Variants in MRPL4 observed in about 807,000 individuals in gnomAD.
MRPL4 encodes the protein large ribosomal subunit protein uL4m.
A neutral mutation model predicts 34.1 loss-of-function variants in MRPL4; 34 were observed. That is an observed-to-expected ratio of 1.00 (90% CI 0.76 to 1.33). MRPL4 has a LOEUF of 1.33. MRPL4 is among the 40% of genes most tolerant of loss of function. MRPL4 has a pLI of 0.00. For synonymous variants in MRPL4, 196 were observed against 188.3 expected (o/e 1.04, Z -0.33); for missense variants, 402 against 434.6 (o/e 0.92, Z 0.67).
At position 10,252,563 on chromosome 19, in the gene MRPL4, C is replaced by G; in HGVS notation, c.137C>G (p.Pro46Arg). The part of the protein sequence containing the change: ...EQVASEGLPE[P>R]VLRKVELPVP... ...GCAATCGCTCCAGGTCTCCCGGAGC[C>G]CGTGCTGCGCAAAGTCGAGCTCCCG... The change falls in exon 3 of 9, where the codon CCC becomes CGC. Residue 46 changes from proline to arginine, a missense_variant. Coordinates refer to ENST00000253099, the MANE Select transcript of MRPL4 (RefSeq NM_015956.3). The G allele has an allele frequency of 6.2e-7, 1 of 1,613,090 alleles. No homozygotes were observed.
At position 10,252,564 on chromosome 19, in the gene MRPL4, C is replaced by T. The variant is rs896200568; in HGVS notation, c.138C>T (p.Pro46=). The change falls in exon 3 of 9, where the codon CCC becomes CCT. Residue 46 remains proline (P), a synonymous_variant. Coordinates refer to ENST00000253099, the MANE Select transcript of MRPL4 (RefSeq NM_015956.3). ...CAATCGCTCCAGGTCTCCCGGAGCC[C>T]GTGCTGCGCAAAGTCGAGCTCCCGG... ...EQVASEGLPE[P]VLRKVELPVP... is the part of the protein sequence containing the mutation. 2 of 1,612,904 alleles carry T rather than the reference C, an allele frequency of 1.2e-6. No homozygotes were observed. The highest frequency in any genetic ancestry group is 2.2e-5 in the East Asian group (1 of 44,866).
chr19:10,255,874 G>C (rs1031065083), intron 4 of MRPL4, among the ~76,000 whole-genome samples: 1 of 152,072 alleles, frequency 6.6e-6, no homozygotes, highest in African/African-American at 2.4e-5. Context: ...AGGCCGGCAC[G>C]GTGGCTCACA....
intron 8 of MRPL4, chr19:10,259,386 G>A (rs567917194): frequency 2.8e-5 from 39 of 1,402,772 alleles, no homozygotes; most frequent in South Asian, 2.4e-4. Context: ...GCACAGGACC[G>A]AGCCTGGCTC....
chr19:10,253,339 C>A (rs1024817503), intron 3 of MRPL4, among the ~76,000 whole-genome samples: 23 of 150,978 alleles, frequency 1.5e-4, no homozygotes, highest in Non-Finnish European at 2.9e-4. Context: ...ATTAGCCGGG[C>A]GTGGTGGCGG....
In MRPL4 at chr19:10,256,719, G is replaced by A. The variant is rs768645262; in HGVS notation, c.339G>A (p.Lys113=). 7 of 1,610,200 alleles carry A rather than the reference G, an allele frequency of 4.3e-6. No homozygotes were observed. The highest frequency in any genetic ancestry group is 5.9e-6 in the Non-Finnish European group (7 of 1,178,238). The change falls in exon 5 of 9, where the codon AAG becomes AAA. Residue 113 remains lysine, a synonymous_variant. Transcript: ENST00000253099. ...QKNFKRISYA[K]TKTRAEVRGG... ...CTTTGTGCCTCCAGAGCTATGCCAA[G>A]ACCAAGACGAGAGCCGAGGTGCGGG...
At position 10,252,273 on chromosome 19, in the gene MRPL4, C is replaced by G; in HGVS notation, c.20C>G (p.Ala7Gly). 1 of 1,608,460 alleles carries G rather than the reference C, an allele frequency of 6.2e-7. No homozygotes were observed. The highest frequency in any genetic ancestry group is 2.2e-5 in the East Asian group (1 of 44,796). Residue 7 changes from alanine to glycine, a missense_variant, in exon 1 of 9, where the codon GCC becomes GGC. Physicochemically the swap from Ala to Gly is moderately conservative, Grantham distance 60. Coordinates refer to ENST00000253099, the MANE Select transcript of MRPL4 (RefSeq NM_015956.3). Reference protein sequence around the residue: MLQFVRAGARAWLRPTG... With the variant: MLQFVRGGARAWLRPTG... Reference sequence around the variant, plus strand: ...GCGGCGATGCTGCAGTTCGTCCGGGCCGGGGCGCGGGCCTGGCTTCGGCCT... The same window carrying G: ...GCGGCGATGCTGCAGTTCGTCCGGGGCGGGGCGCGGGCCTGGCTTCGGCCT...
intron 5 of MRPL4, among the ~76,000 whole-genome samples, chr19:10,257,351 C>T (rs1271224025): frequency 6.6e-6 from 1 of 152,154 alleles, no homozygotes; most frequent in East Asian, 1.9e-4. Flanking sequence ...AACAAGATGA[C>T]TCAGGGTGGT....
intron 8 of MRPL4, chr19:10,259,034 G>C: frequency 5.0e-6 from 7 of 1,398,334 alleles, no homozygotes; most frequent in Non-Finnish European, 6.5e-6. Context: ...AGGGGGCCAA[G>C]GCTGCAGTGA....
Position 10,252,475 on chromosome 19 carries a change from G to A in MRPL4, c.124+12G>A, listed in dbSNP as rs773332615. On this transcript the variant is annotated intron_variant, in intron 2 of 8. Transcript: ENST00000253099. ...GGTGGCGAGCGAGGGTAAGGCAACC[G>A]GGGTGGCTCCAGGAGGGGCGGCGAC... 1 of 1,613,930 alleles carries A rather than the reference G, an allele frequency of 6.2e-7. No homozygotes were observed. Among genetic ancestry groups the A allele is most frequent in the South Asian group, 1.1e-5 (1 of 91,060 alleles).
chr19:10,254,740 T>C, intron 4 of MRPL4, 100 bp downstream of exon 4: 2 of 1,270,548 alleles, frequency 1.6e-6, no homozygotes, highest in South Asian at 2.5e-5. Flanking sequence ...TCTGGACTGC[T>C]CGGCTGGGGC....
chr19:10,254,217 C>T (rs563523739), intron 3 of MRPL4, among the ~76,000 whole-genome samples: 4 of 152,140 alleles, frequency 2.6e-5, no homozygotes, highest in Non-Finnish European at 2.9e-5. Context: ...CATCACTTTG[C>T]CATGTTGCCC....
chr19:10,256,689 C>T lies in MRPL4; in HGVS notation c.328-19C>T. Reference sequence around the variant, plus strand: ...CACCTGCCTCGTGGACCTGACCCCCCTCCTCTTTGTGCCTCCAGAGCTATG... The same window carrying T: ...CACCTGCCTCGTGGACCTGACCCCCTTCCTCTTTGTGCCTCCAGAGCTATG... On this transcript the variant is annotated intron_variant, in intron 4 of 8. Coordinates refer to ENST00000253099, the MANE Select transcript of MRPL4 (RefSeq NM_015956.3). 1 of 1,608,246 alleles carries T rather than the reference C, an allele frequency of 6.2e-7. No homozygotes were observed. Among genetic ancestry groups the T allele is most frequent in the Non-Finnish European group, 8.5e-7 (1 of 1,176,408 alleles).
intron 4 of MRPL4, 102 bp downstream of exon 4, chr19:10,254,742 G>A (rs1427943220): frequency 4.9e-6 from 6 of 1,231,284 alleles, no homozygotes; most frequent in Middle Eastern, 2.0e-4. Flanking sequence ...TGGACTGCTC[G>A]GCTGGGGCCT....
upstream of MRPL4, chr19:10,252,079 G>A: frequency 1.4e-6 from 1 of 705,736 alleles, no homozygotes; most frequent in African/African-American, 1.9e-5. Context: ...GTTAGTCCTG[G>A]GGTGGAGGTC....
intron 7 of MRPL4, 40 bp from the exon 8 acceptor site, chr19:10,258,569 C>G (rs1236217056): frequency 2.5e-6 from 4 of 1,614,030 alleles, no homozygotes; most frequent in Non-Finnish European, 3.4e-6. Context: ...GAGCTCCGTA[C>G]TCTGAGGGTT....
At chr19:10,253,529 A>G (rs1040748203) in intron 3 of MRPL4, among the ~76,000 whole-genome samples, 18 of 150,574 alleles carry the variant, frequency 1.2e-4, no homozygotes, top group Admixed American at 1.0e-3. Flanking sequence ...TGTGGCTCAC[A>G]TCTGTAATCC....
At position 10,258,327 on chromosome 19, in the gene MRPL4, A is replaced by G. The variant is rs1166384726; in HGVS notation, c.551A>G (p.Gln184Arg). 1 of 1,614,066 alleles carries G rather than the reference A, an allele frequency of 6.2e-7. No homozygotes were observed. ...LKVALTVKLA[Q>R]DDLHIMDSLE... ...GTGGCACTGACCGTCAAGCTGGCCC[A>G]GGTACAGCCATGGGGGGGCCCAGAC... Residue 184 changes from glutamine to arginine, a missense_variant and splice_region_variant, in exon 6 of 9, where the codon CAG becomes CGG. Coordinates refer to ENST00000253099, the MANE Select transcript of MRPL4 (RefSeq NM_015956.3).
chr19:10,257,611 G>T (rs769181034), intron 5 of MRPL4, among the ~76,000 whole-genome samples: 1 of 152,148 alleles, frequency 6.6e-6, no homozygotes, highest in Non-Finnish European at 1.5e-5. Flanking sequence ...CCAACACATG[G>T]TGCTTGCAGG....
chr19:10,258,794 A>G, intron 8 of MRPL4, 109 bp downstream of exon 8: 1 of 1,606,380 alleles, frequency 6.2e-7, no homozygotes. Context: ...GGCAGTGACC[A>G]CGCTCCCGGA....
Sources: gnomAD v4.1 joint callset for allele counts (sites outside exome capture counted in the v4.1 genomes callset) on GRCh38, gnomAD v4.1.1 for gene constraint, MANE v1.5 for transcripts, NCBI Gene and HGNC (gene_info 2026-07-23, HGNC 2026-07-21) for gene names.